COL1A2: variants seen among roughly 807,000 people sequenced by gnomAD.
COL1A2 encodes collagen alpha-2(I) chain.
Under a neutral mutation model 174.3 loss-of-function variants are expected in COL1A2, and 49 were observed. The observed-to-expected ratio is 0.28, with a 90% CI of 0.22 to 0.36. The LOEUF (loss-of-function observed/expected upper bound fraction) is 0.36, where lower values mean the gene tolerates loss of function less well. Ranked by LOEUF, COL1A2 falls within the 10% of genes least tolerant of loss-of-function variation. The pLI, the probability that COL1A2 is intolerant of heterozygous loss-of-function variation, is 1.00. For missense variants in COL1A2, 1,438 were observed against 1,822.7 expected, an observed-to-expected ratio of 0.79 and a Z score of 3.84; for synonymous variants, 655 against 606.6, an observed-to-expected ratio of 1.08 and a Z score of -1.17.
intron 40 of COL1A2, 155 bp downstream of exon 40, chr7:94,423,273 G>A (rs1792206876): frequency 1.2e-6 from 1 of 850,744 alleles, no homozygotes. Flanking sequence ...CACACACTGA[G>A]GGGCTGTGGC....
intron 46 of COL1A2, 47 bp from the exon 47 acceptor site, chr7:94,426,961 C>T: frequency 1.3e-6 from 2 of 1,545,182 alleles, no homozygotes; most frequent in South Asian, 1.1e-5. Context: ...AAATATGTCT[C>T]TTGACATGTG....
At chr7:94,419,420 C>T (rs1401920465) in intron 33 of COL1A2, 78 bp from the exon 34 acceptor site, 10 of 1,520,022 alleles carry the variant, frequency 6.6e-6, no homozygotes, top group African/African-American at 1.4e-5. Context: ...TGTATAAGCA[C>T]AGAAAAAAAG....
At chr7:94,426,785 A>G (rs189932906) in intron 46 of COL1A2, 1 of 626,840 alleles carries the variant, frequency 1.6e-6, no homozygotes, top group Non-Finnish European at 2.8e-6. Context: ...CTTAAAATAA[A>G]CATAATTAGA....
intron 42 of COL1A2, 33 bp downstream of exon 42, chr7:94,425,257 T>C (rs373537690): frequency 2.6e-5 from 41 of 1,576,090 alleles, no homozygotes; most frequent in Non-Finnish European, 3.5e-5. Context: ...AAAATAAAAC[T>C]GAGCAGGATT....
At chr7:94,405,795 A>G in intron 11 of COL1A2, 69 bp downstream of exon 11, 1 of 1,239,530 alleles carries the variant, frequency 8.1e-7, no homozygotes, top group Non-Finnish European at 1.2e-6. Flanking sequence ...AAGTATGTTT[A>G]AAATCTTGGG....
At position 94,425,816 on chromosome 7, in the gene COL1A2, C is replaced by T; in HGVS notation, c.2902C>T (p.Pro968Ser). The T allele has an allele frequency of 6.2e-7, 1 of 1,612,544 alleles. No homozygotes were observed. Among genetic ancestry groups the T allele is most frequent in the Non-Finnish European group, 8.5e-7 (1 of 1,179,386 alleles). The change falls in exon 44 of 52, where the codon CCC (proline) becomes TCC (serine). Residue 968 changes from proline to serine, a missense_variant. By Grantham distance (74) the Pro-to-Ser change is moderately conservative. Transcript: ENST00000297268. ...GAAGAPGPHG[P>S]VGPAGKHGNR... is the part of the protein sequence containing the mutation. ...TGCAGGTGCACCTGGTCCTCATGGC[C>T]CCGTGGGTCCTGCTGGCAAACATGG...
In COL1A2 at chr7:94,412,097, C is replaced by G; in HGVS notation, c.1380C>G (p.Gly460=). 6.2e-7 allele frequency: 1 copy of G among 1,612,806 alleles called. No individual in the cohort carries two copies. The highest frequency in any genetic ancestry group is 8.5e-7 in the Non-Finnish European group (1 of 1,179,234). Residue 460 remains glycine (G), a synonymous_variant, in exon 24 of 52, where the codon GGC becomes GGG. Transcript: ENST00000297268. ...RGLPGSPGNI[G]PAGKEGPVGL... ...TTCCTGGTTCCCCTGGAAATATCGG[C>G]CCCGCTGGAAAAGAAGGTCCTGTCG... is the stretch of plus-strand genomic sequence containing the variant.
rs1562899530 is a variant in COL1A2, at chr7:94,406,319, G to GAAGCACTGTTTTT, written c.594+24_594+36dup. The GAAGCACTGTTTTT allele has an allele frequency of 6.2e-7, 1 of 1,613,334 alleles. No individual in the cohort carries two copies. The highest frequency in any genetic ancestry group is 1.1e-5 in the South Asian group (1 of 91,046). ...TGGTGTGAAGGTAAATATTAAATTA[G>GAAGCACTGTTTTT]AAGCACTGTTTTTAAGCACTTGATT... On this transcript the variant is annotated intron_variant, in intron 12 of 51. Coordinates refer to ENST00000297268, the MANE Select transcript of COL1A2 (RefSeq NM_000089.4).
chr7:94,420,683 T>A lies in COL1A2; in HGVS notation c.2295+35T>A, dbSNP rs375514078. Reference sequence around the variant, plus strand: ...ATTCACTGGTGGTCCACACAGCAGCTACCCATTAGATCTTCCAATTAAATA... The same window carrying A: ...ATTCACTGGTGGTCCACACAGCAGCAACCCATTAGATCTTCCAATTAAATA... On this transcript the variant is annotated intron_variant, in intron 37 of 51. Coordinates refer to ENST00000297268, the MANE Select transcript of COL1A2 (RefSeq NM_000089.4). The A allele has an allele frequency of 5.6e-4, 857 of 1,528,380 alleles. 2 individuals carry two copies. Among genetic ancestry groups the A allele is most frequent in the Non-Finnish European group, 7.2e-4 (808 of 1,123,218 alleles). The allele number at this position is 1,528,380 out of a possible 1,614,324, so 94.7% of individuals were successfully genotyped here. A position where few individuals can be genotyped will look rare whatever the true frequency, so the allele number is the denominator to read the frequency against.
Position 94,431,031 on chromosome 7 carries a change from C to T in COL1A2, c.*638C>T, listed in dbSNP as rs1792391514. 2 of 93,836 alleles carry T rather than the reference C, an allele frequency of 2.1e-5. No homozygotes were observed. The highest frequency in any genetic ancestry group is 9.0e-4 in the South Asian group (2 of 2,222). 5.8% of individuals were successfully genotyped at this position (93,836 alleles called of 1,614,324 possible). ...CATCTTATTCCCAATTAAAAGTATGCAGATTATTTGCCCAAATCTTCTTCA... is the reference window on the plus strand; with the variant it reads ...CATCTTATTCCCAATTAAAAGTATGTAGATTATTTGCCCAAATCTTCTTCA... On this transcript the variant is annotated 3_prime_UTR_variant, in exon 52 of 52. Transcript: ENST00000297268.
intron 51 of COL1A2, 65 bp from the exon 52 acceptor site, chr7:94,430,182 G>A: frequency 3.3e-6 from 5 of 1,499,842 alleles, no homozygotes; most frequent in Non-Finnish European, 2.8e-6. Context: ...TAAATCAAAG[G>A]TTCAGATATT....
chr7:94,417,649 G>A (rs1792069416), intron 31 of COL1A2, 75 bp from the exon 32 acceptor site: 1 of 1,285,940 alleles, frequency 7.8e-7, no homozygotes, highest in Non-Finnish European at 1.1e-6. Flanking sequence ...TGTTTAAATT[G>A]GAATTCTTCT....
In COL1A2 at chr7:94,429,120, T is replaced by TTTC; in HGVS notation, c.3712-67_3712-65dup. The TTTC allele has an allele frequency of 2.4e-6, 3 of 1,261,256 alleles. No individual in the cohort carries two copies. In the East Asian group the frequency reaches 7.2e-5, roughly 30 times the overall value. 78.1% of individuals were successfully genotyped at this position (1,261,256 alleles called of 1,614,324 possible). On this transcript the variant is annotated intron_variant, in intron 50 of 51. Transcript: ENST00000297268. ...GATCTTTTTTTTTCTTTTTTTTTTT[T>TTTC]TTCATGTTTGACTCTTAGTATCTGA...
chr7:94,406,150 A>T, intron 11 of COL1A2, 100 bp from the exon 12 acceptor site: 1 of 1,250,556 alleles, frequency 8.0e-7, no homozygotes, highest in Middle Eastern at 1.9e-4. Context: ...AGCAGACAAG[A>T]CTTACCCAAG....
At chr7:94,428,148 A>G in intron 49 of COL1A2, 145 bp from the exon 50 acceptor site, 1 of 855,364 alleles carries the variant, frequency 1.2e-6, no homozygotes, top group South Asian at 1.5e-5. Context: ...TCTAATCTTA[A>G]AAATAGCCAC....
At chr7:94,420,744 A>G in intron 37 of COL1A2, 96 bp downstream of exon 37, 1 of 1,117,120 alleles carries the variant, frequency 9.0e-7, no homozygotes, top group Non-Finnish European at 1.3e-6. Context: ...AACAGGGAAT[A>G]TACCAGATAG....
chr7:94,428,603 G>A (rs1418248465), intron 50 of COL1A2, 126 bp downstream of exon 50: 15 of 916,508 alleles, frequency 1.6e-5, no homozygotes, highest in Non-Finnish European at 2.2e-5. Flanking sequence ...TCCTTTCCTG[G>A]GTTCCAATTT....
chr7:94,431,226 A>G lies in COL1A2; in HGVS notation c.*833A>G, dbSNP rs1439718001. 1 of 152,694 alleles carries G rather than the reference A, an allele frequency of 6.5e-6. No individual in the cohort carries two copies. Among genetic ancestry groups the G allele is most frequent in the South Asian group, 2.1e-4 (1 of 4,838 alleles). The allele number at this position is 152,694 out of a possible 1,614,324, so 9.5% of individuals were successfully genotyped here. On this transcript the variant is annotated 3_prime_UTR_variant, in exon 52 of 52. Coordinates refer to ENST00000297268, the MANE Select transcript of COL1A2 (RefSeq NM_000089.4). ...TAAAGCATGTTTGGTTTTCCAAAAG[A>G]ACATATTGAGTAAAATTCCTTGCTT... is the stretch of plus-strand genomic sequence containing the variant.
intron 40 of COL1A2, chr7:94,423,416 C>T (rs1384624810): frequency 4.8e-6 from 2 of 417,376 alleles, no homozygotes; most frequent in Non-Finnish European, 8.9e-6. Context: ...TTGCTGTGGC[C>T]ATCCTACTAC....
Sources: gnomAD v4.1 joint callset for allele counts on GRCh38, gnomAD v4.1.1 for gene constraint, MANE v1.5 for transcripts, NCBI Gene and HGNC (gene_info 2026-07-23, HGNC 2026-07-21) for gene names.